Variants in SNX13 observed in about 807,000 individuals in gnomAD.
SNX13 encodes the protein sorting nexin 13.
Under a neutral mutation model 133.6 loss-of-function variants are expected in SNX13, and 45 were observed. The ratio of observed to expected loss-of-function variants is 0.34; its 90% CI spans 0.27 to 0.43. The LOEUF (loss-of-function observed/expected upper bound fraction) is 0.43. SNX13 is among the 20% of genes least tolerant of loss of function. The probability of loss-of-function intolerance (pLI) is 1.00; values close to 1 mark genes in which losing one functional copy is unlikely to be tolerated. For synonymous variants in SNX13, 414 were observed against 373.9 expected (o/e 1.11, Z -1.24); for missense variants, 1,032 against 1,145.1 (o/e 0.90, Z 1.43).
intron 9 of SNX13, among the ~76,000 whole-genome samples, chr7:17,867,486 T>C (rs556081564): frequency 6.6e-6 from 1 of 152,002 alleles, no homozygotes; most frequent in Admixed American, 6.6e-5. Flanking sequence ...TGCATGCCTG[T>C]GTCCCAGCTA....
chr7:17,835,071 C>A lies in SNX13; in HGVS notation c.1360-206G>T, dbSNP rs886456919. Among the ~76,000 whole-genome samples, 2 of 151,824 alleles carry A rather than the reference C, an allele frequency of 1.3e-5. No homozygotes were observed. The highest frequency in any genetic ancestry group is 4.8e-5 in the African/African-American group (2 of 41,376). ...TGTACTCTTCCTCATAGCAGGCTGG[C>A]AAACAAACACGGATTTAAATCTCAA... is the stretch of plus-strand genomic sequence containing the variant. On this transcript the variant is annotated intron_variant, in intron 13 of 25. Transcript: ENST00000428135.
intron 11 of SNX13, among the ~76,000 whole-genome samples, chr7:17,846,568 A>G (rs1313026659): frequency 6.6e-6 from 1 of 152,216 alleles, no homozygotes; most frequent in Non-Finnish European, 1.5e-5. Flanking sequence ...TTTAAAAAAG[A>G]AAGATAGGCA....
At chr7:17,930,431 T>C (rs1447889042) in intron 1 of SNX13, among the ~76,000 whole-genome samples, 2 of 152,148 alleles carry the variant, frequency 1.3e-5, no homozygotes, top group African/African-American at 2.4e-5. Flanking sequence ...TATATACATA[T>C]ATAAAAAAGA....
intron 1 of SNX13, among the ~76,000 whole-genome samples, chr7:17,925,936 G>C (rs1466901963): frequency 6.6e-6 from 1 of 152,206 alleles, no homozygotes. Context: ...CCAAGTATTA[G>C]ATTATAATTG....
chr7:17,841,345 A>G (rs919726793), intron 12 of SNX13, among the ~76,000 whole-genome samples: 2 of 152,082 alleles, frequency 1.3e-5, no homozygotes, highest in African/African-American at 4.8e-5. Context: ...GGAAAATTAG[A>G]AAGTGACTAT....
At chr7:17,892,118 G>C (rs1441799872) in intron 3 of SNX13, among the ~76,000 whole-genome samples, 2 of 151,890 alleles carry the variant, frequency 1.3e-5, no homozygotes, top group Non-Finnish European at 2.9e-5. Context: ...AAGATCAGTG[G>C]CCTGAAAATT....
chr7:17,798,877 A>T (rs1784334768), intron 23 of SNX13, 119 bp from the exon 24 acceptor site: 1 of 1,228,452 alleles, frequency 8.1e-7, no homozygotes. Context: ...AGAGCAACAG[A>T]CTGCTTTAAT....
intron 16 of SNX13, among the ~76,000 whole-genome samples, chr7:17,828,991 A>T (rs181271013): frequency 6.6e-6 from 1 of 151,736 alleles, no homozygotes; most frequent in East Asian, 1.9e-4. Context: ...GACTATAACA[A>T]GTAAATGGTA....
chr7:17,902,310 T>TA (rs1299268190), intron 1 of SNX13, among the ~76,000 whole-genome samples: 3 of 151,282 alleles, frequency 2.0e-5, no homozygotes, highest in Admixed American at 2.0e-4. Flanking sequence ...GAGAAATTTT[T>TA]AAATTCCACA....
chr7:17,806,010 T>C (rs1785255147), intron 20 of SNX13, among the ~76,000 whole-genome samples: 1 of 152,140 alleles, frequency 6.6e-6, no homozygotes, highest in Admixed American at 6.5e-5. Context: ...TAAAGTAGAT[T>C]TTTAGAAAAA....
At chr7:17,875,626 C>T (rs1270484299) in intron 6 of SNX13, 43 bp downstream of exon 6, 1 of 1,606,854 alleles carries the variant, frequency 6.2e-7, no homozygotes, top group Admixed American at 1.7e-5. Flanking sequence ...GAAAGGAAAA[C>T]AGATTTTCAA....
chr7:17,860,363 T>C (rs1329504133), intron 9 of SNX13, among the ~76,000 whole-genome samples: 1 of 152,208 alleles, frequency 6.6e-6, no homozygotes, highest in African/African-American at 2.4e-5. Flanking sequence ...TATGAGTTCT[T>C]TATATATGAT....
chr7:17,897,302 T>A (rs914954350), intron 2 of SNX13, 32 bp downstream of exon 2: 2 of 1,248,350 alleles, frequency 1.6e-6, no homozygotes, highest in Non-Finnish European at 1.1e-6. Context: ...ATATGACACA[T>A]GAATTATAAA....
intron 5 of SNX13, among the ~76,000 whole-genome samples, chr7:17,875,996 T>C (rs559417553): frequency 1.3e-5 from 2 of 152,320 alleles, no homozygotes; most frequent in Admixed American, 1.3e-4. Context: ...ACAATATTAC[T>C]TGAATTATTT....
intron 9 of SNX13, among the ~76,000 whole-genome samples, chr7:17,853,173 T>C (rs1010649190): frequency 3.3e-5 from 5 of 152,200 alleles, no homozygotes; most frequent in African/African-American, 1.2e-4. Context: ...GTTTCTTTTT[T>C]TTCATCAACC....
chr7:17,939,665 G>A (rs1313182379), intron 1 of SNX13, among the ~76,000 whole-genome samples: 2 of 152,344 alleles, frequency 1.3e-5, no homozygotes, highest in East Asian at 3.9e-4. Context: ...GCAAATCAAG[G>A]TGGCAGATGC....
At chr7:17,871,996 A>G (rs1794176476) in intron 8 of SNX13, among the ~76,000 whole-genome samples, 1 of 152,200 alleles carries the variant, frequency 6.6e-6, no homozygotes, top group South Asian at 2.1e-4. Flanking sequence ...TATGGAGGTA[A>G]GAATAAGACT....
In SNX13 at chr7:17,845,765, T is replaced by C. The variant is rs1562756640; in HGVS notation, c.1066-71A>G. 80 of 1,091,252 alleles carry C rather than the reference T, an allele frequency of 7.3e-5. 1 individual carries two copies. The South Asian group carries it at 1.2e-3, about 17-fold the overall frequency. The allele number at this position is 1,091,252 out of a possible 1,614,324, so 67.6% of individuals were successfully genotyped here. Reference sequence around the variant, plus strand: ...ATTGTTAAAGATGTGTACATAAATATAAGGAAAAAAATCAAGCTAAAACGG... The same window carrying C: ...ATTGTTAAAGATGTGTACATAAATACAAGGAAAAAAATCAAGCTAAAACGG... On this transcript the variant is annotated intron_variant, in intron 11 of 25. Transcript: ENST00000428135.
chr7:17,883,132 C>CTA (rs1795562470), intron 5 of SNX13, among the ~76,000 whole-genome samples: 1 of 152,146 alleles, frequency 6.6e-6, no homozygotes, highest in Admixed American at 6.5e-5. Context: ...ATTTAGTGAG[C>CTA]TATAACACTG....
Sources: gnomAD v4.1 joint callset for allele counts (sites outside exome capture counted in the v4.1 genomes callset) on GRCh38, gnomAD v4.1.1 for gene constraint, MANE v1.5 for transcripts, NCBI Gene and HGNC (gene_info 2026-07-23, HGNC 2026-07-21) for gene names.